The following ERLEC1 variants were observed in gnomAD, a reference collection of about 807,000 sequenced individuals.
ERLEC1 encodes the protein ER lectin.
ERLEC1 carries 47 observed loss-of-function variants against 68.0 expected under a neutral mutation model. The ratio of observed to expected loss-of-function variants is 0.69; its 90% confidence interval spans 0.55 to 0.88. ERLEC1 has a LOEUF of 0.88. Among genes scored for constraint, ERLEC1 ranks in the 40% least tolerant of loss-of-function variants. The pLI is 0.00. For synonymous variants in ERLEC1, 225 were observed against 203.2 expected, an observed-to-expected ratio of 1.11 and a Z score of -0.91; for missense variants, 567 against 583.8, an observed-to-expected ratio of 0.97 and a Z score of 0.30.
At chr2:53,807,297 AGAATTGATTAAGAGT>A in intron 8 of ERLEC1, among the ~76,000 whole-genome samples, 1 of 152,222 alleles carries the variant, frequency 6.6e-6, no homozygotes, top group Non-Finnish European at 1.5e-5. Context: ...TCTTGTTTCA[AGAATTGATTAAGAGT>A]TTTTCTCTTT....
At chr2:53,787,416 C>G (rs756564654) in intron 1 of ERLEC1, 44 bp downstream of exon 1, 12 of 1,572,810 alleles carry the variant, frequency 7.6e-6, no homozygotes, top group South Asian at 5.7e-5. Flanking sequence ...CCTCCTGACA[C>G]TAAGGGTTCG....
chr2:53,815,349 G>A (rs908695523), intron 13 of ERLEC1, among the ~76,000 whole-genome samples: 1 of 152,118 alleles, frequency 6.6e-6, no homozygotes, highest in African/African-American at 2.4e-5. Context: ...AGGACCTTCA[G>A]TAGTCTCCAA....
chr2:53,797,514 G>C lies in ERLEC1; in HGVS notation c.349-1G>C. On this transcript the variant is annotated splice_acceptor_variant, in intron 3 of 13. Transcript: ENST00000185150. LOFTEE classifies it high-confidence loss of function. The stretch of plus-strand genomic sequence containing the variant: ...CATTGAAATATATCCATCTTTTTTA[G>C]ATTGAGTCTTATTGGACTTACGAAG... The C allele has an allele frequency of 6.2e-7, 1 of 1,606,008 alleles. No homozygotes were observed. The highest frequency in any genetic ancestry group is 8.5e-7 in the Non-Finnish European group (1 of 1,176,886).
rs114804215 is a variant in ERLEC1 at position 53,815,870 on chromosome 2, A to G, written c.1380+935A>G. 7.3e-3 allele frequency among the ~76,000 whole-genome samples: 1,118 copies of G among 152,238 alleles called. 17 individuals carry two copies. The highest frequency in any genetic ancestry group is 0.026 in the African/African-American group (1,072 of 41,538). On this transcript the variant is annotated intron_variant, in intron 13 of 13. Coordinates refer to ENST00000185150, the MANE Select transcript of ERLEC1 (RefSeq NM_015701.5). ...ATCACCATAAGCATTTATTGTTTCT[A>G]TGTGTTGAGAACATTTCAGGTCCTC...
intron 8 of ERLEC1, among the ~76,000 whole-genome samples, chr2:53,805,734 A>G (rs1213855315): frequency 6.6e-6 from 1 of 152,210 alleles, no homozygotes; most frequent in African/African-American, 2.4e-5. Context: ...ACTGTTCTGT[A>G]TAGTGTTTGT....
chr2:53,800,900 T>C (rs1273598472), intron 6 of ERLEC1, among the ~76,000 whole-genome samples: 1 of 152,170 alleles, frequency 6.6e-6, no homozygotes, highest in Non-Finnish European at 1.5e-5. Context: ...CAGTCAGTAC[T>C]GTATTTAAAC....
intron 1 of ERLEC1, among the ~76,000 whole-genome samples, chr2:53,791,390 C>T (rs1362167189): frequency 1.3e-5 from 2 of 152,146 alleles, no homozygotes; most frequent in African/African-American, 4.8e-5. Context: ...GTTTTTTATA[C>T]TATCTAATTC....
chr2:53,809,231 A>G lies in ERLEC1; in HGVS notation c.1059A>G (p.Lys353=). 1 of 1,583,326 alleles carries G rather than the reference A, an allele frequency of 6.3e-7. No homozygotes were observed. Among genetic ancestry groups the G allele is most frequent in the Non-Finnish European group, 8.5e-7 (1 of 1,171,572 alleles). The change falls in exon 10 of 14, where the codon AAA becomes AAG. Residue 353 remains lysine, a synonymous_variant. Transcript: ENST00000185150. ...YCFRGGVGWW[K]YEFCYGKHVH... ...TTTTTTAGGGTGTCGGTTGGTGGAAATATGAATTCTGCTATGGCAAACATG... is the reference window on the plus strand; with the variant it reads ...TTTTTTAGGGTGTCGGTTGGTGGAAGTATGAATTCTGCTATGGCAAACATG...
At chr2:53,790,928 T>C (rs1206024947) in intron 1 of ERLEC1, among the ~76,000 whole-genome samples, 1 of 152,254 alleles carries the variant, frequency 6.6e-6, no homozygotes, top group Non-Finnish European at 1.5e-5. Context: ...CATTACTTTA[T>C]AGAGTTCAGA....
chr2:53,800,329 C>T (rs1173563758), intron 6 of ERLEC1, among the ~76,000 whole-genome samples: 3 of 151,918 alleles, frequency 2.0e-5, no homozygotes, highest in African/African-American at 7.3e-5. Flanking sequence ...TCTTATGGGG[C>T]CATTGTCTTA....
At chr2:53,814,047 G>T (rs1676731177) in intron 11 of ERLEC1, among the ~76,000 whole-genome samples, 1 of 152,158 alleles carries the variant, frequency 6.6e-6, no homozygotes. Context: ...ATATGTTGAA[G>T]AATGAGTGTT....
At chr2:53,815,130 C>T (rs183391604) in intron 13 of ERLEC1, among the ~76,000 whole-genome samples, 195 bp downstream of exon 13, 183 of 151,262 alleles carry the variant, frequency 1.2e-3, no homozygotes, top group African/African-American at 3.9e-3. Context: ...CTCAGCCTCC[C>T]GAGTAACTGG....
At chr2:53,800,384 C>T (rs1445162082) in intron 6 of ERLEC1, among the ~76,000 whole-genome samples, 5 of 151,988 alleles carry the variant, frequency 3.3e-5, no homozygotes, top group Middle Eastern at 6.3e-3. Flanking sequence ...CAGTGCATGA[C>T]TGTATATTAT....
Position 53,814,556 on chromosome 2 carries a change from T to C in ERLEC1, c.1240T>C (p.Phe414Leu). The C allele has an allele frequency of 6.2e-7, 1 of 1,611,300 alleles. No individual in the cohort carries two copies. Among genetic ancestry groups the C allele is most frequent in the Non-Finnish European group, 8.5e-7 (1 of 1,178,284 alleles). Reference protein sequence around the residue: ...GTQTVRMVSHFYGNGDICDIT... With the variant: ...GTQTVRMVSHLYGNGDICDIT... ...TCTCTGATTCAGGATGGTGTCACAT[T>C]TTTATGGAAATGGAGATATTTGTGA... is the stretch of plus-strand genomic sequence containing the variant. The change falls in exon 12 of 14, where the codon TTT (phenylalanine) becomes CTT (leucine). Residue 414 changes from phenylalanine (F) to leucine (L), a missense_variant. Transcript: ENST00000185150.
rs1397944456 is a variant in ERLEC1, at chr2:53,809,201, T to C, written c.1042-13T>C. 26 of 1,575,704 alleles carry C rather than the reference T, an allele frequency of 1.7e-5. No individual in the cohort carries two copies. The highest frequency in any genetic ancestry group is 2.1e-5 in the Non-Finnish European group (25 of 1,166,436). On this transcript the variant is annotated splice_polypyrimidine_tract_variant and intron_variant, in intron 9 of 13. Coordinates refer to ENST00000185150, the MANE Select transcript of ERLEC1 (RefSeq NM_015701.5). Reference sequence around the variant, plus strand: ...GTTCTTAACTTGATCTAATATGTTTTCTTTTTTTTTAGGGTGTCGGTTGGT... The same window carrying C: ...GTTCTTAACTTGATCTAATATGTTTCCTTTTTTTTTAGGGTGTCGGTTGGT...
rs201699099 is a variant in ERLEC1, at chr2:53,801,511, A to G, written c.640A>G (p.Ile214Val). ...NRPRSSTVMYICHPESKHEIL... is the reference protein window; with the variant it reads ...NRPRSSTVMYVCHPESKHEIL... Reference sequence around the variant, plus strand: ...GCCCAGATCAAGTACTGTGATGTACATATGTCATCCTGAATCTAAGCATGA... The same window carrying G: ...GCCCAGATCAAGTACTGTGATGTACGTATGTCATCCTGAATCTAAGCATGA... The change falls in exon 7 of 14, where the codon ATA (isoleucine) becomes GTA (valine). Residue 214 changes from isoleucine (I) to valine (V), a missense_variant. Ile to Val is a conservative substitution (Grantham distance 29). Transcript: ENST00000185150. The G allele has an allele frequency of 6.2e-7, 1 of 1,614,152 alleles. No individual in the cohort carries two copies. Among genetic ancestry groups the G allele is most frequent in the Non-Finnish European group, 8.5e-7 (1 of 1,179,992 alleles).
rs769783023 is a variant in ERLEC1 at position 53,818,229 on chromosome 2, AAAAT to A, written c.*265_*268del. ...TTCTTTGCTTGGATACTGTGATTCC[AAAAT>A]AAATCTCATCCAAGCAAGTTAGAGT... On this transcript the variant is annotated 3_prime_UTR_variant, in exon 14 of 14. Transcript: ENST00000185150. 37 of 277,370 alleles carry A rather than the reference AAAAT, an allele frequency of 1.3e-4. No individual in the cohort carries two copies. Among genetic ancestry groups the A allele is most frequent in the Non-Finnish European group, 8.2e-5 (12 of 146,598 alleles). 17.2% of individuals were successfully genotyped at this position (277,370 alleles called of 1,614,324 possible).
intron 1 of ERLEC1, among the ~76,000 whole-genome samples, chr2:53,788,291 A>G (rs1369395567): frequency 2.6e-5 from 4 of 152,240 alleles, no homozygotes; most frequent in Non-Finnish European, 4.4e-5. Flanking sequence ...AGTAAGTGAC[A>G]CTATGATGTC....
chr2:53,798,766 T>C (rs1338641854), intron 5 of ERLEC1, among the ~76,000 whole-genome samples: 1 of 151,882 alleles, frequency 6.6e-6, no homozygotes, highest in Non-Finnish European at 1.5e-5. Context: ...TCAGTTAATT[T>C]AATATTAAAT....
Sources: allele counts gnomAD v4.1 joint callset (sites outside exome capture counted in the v4.1 genomes callset), GRCh38; gene constraint gnomAD v4.1.1; transcripts MANE v1.5; gene names NCBI Gene and HGNC (gene_info 2026-07-23, HGNC 2026-07-21).